NR3C1: variants seen among roughly 807,000 people sequenced by gnomAD.
NR3C1 encodes the protein nuclear receptor subfamily 3 group C member 1, also known as glucocorticoid receptor.
NR3C1 carries 14 observed loss-of-function variants against 74.0 expected under a neutral mutation model. The ratio of observed to expected loss-of-function variants is 0.19; its 90% confidence interval spans 0.12 to 0.30. The LOEUF (loss-of-function observed/expected upper bound fraction) is 0.30. NR3C1 is among the 10% of genes least tolerant of loss of function. NR3C1 has a pLI of 1.00. For synonymous variants in NR3C1, 308 were observed against 332.5 expected (o/e 0.93, Z 0.80); for missense variants, 695 against 909.8 (o/e 0.76, Z 3.04).
chr5:143,413,236 A>C (rs1005544782), intron 1 of NR3C1, among the ~76,000 whole-genome samples: 1 of 152,162 alleles, frequency 6.6e-6, no homozygotes, highest in Non-Finnish European at 1.5e-5. Context: ...AGGTTAGGAA[A>C]ATGGGTGTGG....
At chr5:143,314,561 C>T (rs1478227219) in intron 2 of NR3C1, among the ~76,000 whole-genome samples, 6 of 151,892 alleles carry the variant, frequency 4.0e-5, no homozygotes, top group Non-Finnish European at 7.4e-5. Context: ...ACTACTATCA[C>T]AATCAGGAGA....
chr5:143,363,531 C>G (rs1226256258), intron 2 of NR3C1, among the ~76,000 whole-genome samples: 1 of 151,916 alleles, frequency 6.6e-6, no homozygotes, highest in African/African-American at 2.4e-5. Flanking sequence ...TGAGATCGTG[C>G]CACTGCACTC....
intron 1 of NR3C1, among the ~76,000 whole-genome samples, chr5:143,427,011 A>AAGCAGGTCTTT (rs923281408): frequency 1.3e-5 from 2 of 152,170 alleles, no homozygotes; most frequent in African/African-American, 2.4e-5. Context: ...TTGTTTATTA[A>AAGCAGGTCTTT]AGCAGGTCTT....
chr5:143,315,247 G>T (rs1821820692), intron 2 of NR3C1, among the ~76,000 whole-genome samples: 1 of 152,098 alleles, frequency 6.6e-6, no homozygotes, highest in Non-Finnish European at 1.5e-5. Flanking sequence ...ATGACACAAT[G>T]GTTTTCAATG....
intron 4 of NR3C1, among the ~76,000 whole-genome samples, chr5:143,302,014 A>G (rs1027074485): frequency 9.2e-5 from 14 of 152,118 alleles, no homozygotes; most frequent in Non-Finnish European, 5.9e-5. Context: ...TTAGTTTACC[A>G]TGCTCTCTTG....
At chr5:143,309,243 TTG>T (rs1199095661) in intron 4 of NR3C1, among the ~76,000 whole-genome samples, 1 of 152,074 alleles carries the variant, frequency 6.6e-6, no homozygotes, top group Admixed American at 6.5e-5. Context: ...CCGCTAATTT[TTG>T]TGTTTTTAGC....
At chr5:143,331,555 G>A (rs116360134) in intron 2 of NR3C1, among the ~76,000 whole-genome samples, 10 of 152,254 alleles carry the variant, frequency 6.6e-5, no homozygotes, top group Non-Finnish European at 1.5e-4. Flanking sequence ...ACAGAAGACT[G>A]CATAAAGAAA....
chr5:143,424,624 T>A (rs1751436867), intron 1 of NR3C1, among the ~76,000 whole-genome samples: 1 of 152,190 alleles, frequency 6.6e-6, no homozygotes, highest in Non-Finnish European at 1.5e-5. Context: ...TTATATGGCA[T>A]TATAGTCTAA....
Position 143,280,972 on chromosome 5 carries a change from G to GTAGT in NR3C1, c.*913_*916dup, listed in dbSNP as rs1197221883. On this transcript the variant is annotated 3_prime_UTR_variant, in exon 9 of 9. Coordinates refer to ENST00000394464, the MANE Select transcript of NR3C1 (RefSeq NM_000176.3). ...CGTTAGGTACAGACAGGGCCTCTTGGTAGTTATTTTTTAAATTAGTCTTTT... is the reference window on the plus strand; with the variant it reads ...CGTTAGGTACAGACAGGGCCTCTTGGTAGTTAGTTATTTTTTAAATTAGTCTTTT... 5.3e-5 allele frequency: 8 copies of GTAGT among 152,086 alleles called. 1 individual carries two copies. In the South Asian group the frequency reaches 6.2e-4, roughly 12 times the overall value. 9.4% of individuals were successfully genotyped at this position (152,086 alleles called of 1,614,324 possible).
At chr5:143,402,668 A>G in intron 1 of NR3C1, 1 of 985,302 alleles carries the variant, frequency 1.0e-6, no homozygotes, top group Admixed American at 6.1e-5. Flanking sequence ...GCAGTCTCCA[A>G]GTTGCGGGCT....
rs1325004005 is a variant in NR3C1 at position 143,280,990 on chromosome 5, A to T, written c.*899T>A. 1.3e-5 allele frequency: 2 copies of T among 152,154 alleles called. No homozygotes were observed. The highest frequency in any genetic ancestry group is 1.3e-4 in the Admixed American group (2 of 15,254). 9.4% of individuals were successfully genotyped at this position (152,154 alleles called of 1,614,324 possible). On this transcript the variant is annotated 3_prime_UTR_variant, in exon 9 of 9. Coordinates refer to ENST00000394464, the MANE Select transcript of NR3C1 (RefSeq NM_000176.3). ...CCTCTTGGTAGTTATTTTTTAAATTAGTCTTTTGCAACCATCATCCACAGT... is the reference window on the plus strand; with the variant it reads ...CCTCTTGGTAGTTATTTTTTAAATTTGTCTTTTGCAACCATCATCCACAGT...
chr5:143,404,779 A>C (rs1840981643), upstream of NR3C1: 1 of 157,472 alleles, frequency 6.4e-6, no homozygotes, highest in African/African-American at 2.4e-5. Flanking sequence ...CCCCCTTCCG[A>C]AACTCCTGAC....
chr5:143,340,851 G>A (rs764436718), intron 2 of NR3C1, among the ~76,000 whole-genome samples: 1 of 152,082 alleles, frequency 6.6e-6, no homozygotes, highest in Admixed American at 6.5e-5. Flanking sequence ...TAGGCTTGGG[G>A]ATACATGTGA....
chr5:143,397,256 A>G (rs1281825459), intron 2 of NR3C1, among the ~76,000 whole-genome samples: 1 of 151,844 alleles, frequency 6.6e-6, no homozygotes, highest in Non-Finnish European at 1.5e-5. Flanking sequence ...TTTAATTTAA[A>G]AGGAATTCAA....
chr5:143,378,821 T>C (rs940618718), intron 2 of NR3C1, among the ~76,000 whole-genome samples: 1 of 152,186 alleles, frequency 6.6e-6, no homozygotes, highest in Non-Finnish European at 1.5e-5. Context: ...ATCTTTCAAT[T>C]GTTAATGTGG....
At chr5:143,370,597 A>G (rs1834067014) in intron 2 of NR3C1, among the ~76,000 whole-genome samples, 1 of 152,226 alleles carries the variant, frequency 6.6e-6, no homozygotes, top group African/African-American at 2.4e-5. Flanking sequence ...AGACTTGTAC[A>G]TTGTAGAATA....
At chr5:143,416,054 A>T (rs1841464934) in intron 1 of NR3C1, among the ~76,000 whole-genome samples, 1 of 152,210 alleles carries the variant, frequency 6.6e-6, no homozygotes, top group Admixed American at 6.5e-5. Context: ...TGAACTGGGA[A>T]GGGATTATTC....
intron 2 of NR3C1, among the ~76,000 whole-genome samples, chr5:143,382,546 T>C (rs1836444962): frequency 6.6e-6 from 1 of 152,232 alleles, no homozygotes; most frequent in East Asian, 1.9e-4. Flanking sequence ...GCTATGCAGT[T>C]TACATGCATC....
At position 143,388,028 on chromosome 5, in the gene NR3C1, A is replaced by G. The variant is rs61751256; in HGVS notation, c.1184+11628T>C. ...AAGCTTCTGCTACAAAAGTTCCTATATTGACAATTTACTATGTTACTGCCT... is the reference window on the plus strand; with the variant it reads ...AAGCTTCTGCTACAAAAGTTCCTATGTTGACAATTTACTATGTTACTGCCT... On this transcript the variant is annotated intron_variant, in intron 2 of 8. Coordinates refer to ENST00000394464, the MANE Select transcript of NR3C1 (RefSeq NM_000176.3). Among the ~76,000 whole-genome samples, 215 of 152,252 alleles carry G rather than the reference A, an allele frequency of 1.4e-3. 1 individual carries two copies. The highest frequency in any genetic ancestry group is 2.8e-3 in the Non-Finnish European group (187 of 67,994).
Sources: gnomAD v4.1 joint callset for allele counts (sites outside exome capture counted in the v4.1 genomes callset) on GRCh38, gnomAD v4.1.1 for gene constraint, MANE v1.5 for transcripts, NCBI Gene and HGNC (gene_info 2026-07-23, HGNC 2026-07-21) for gene names.